The following LDLRAD4 variants were observed in gnomAD, a reference collection of about 807,000 sequenced individuals.
LDLRAD4 encodes the protein low-density lipoprotein receptor class A domain-containing protein 4.
In LDLRAD4, 5 loss-of-function variants were observed where a neutral mutation model predicts 17.0. That is an observed-to-expected ratio of 0.29 (90% CI 0.15 to 0.62). The LOEUF is 0.62. Ranked by LOEUF, LDLRAD4 falls within the 20% of genes least tolerant of loss-of-function variation. The pLI, the probability that LDLRAD4 is intolerant of heterozygous loss-of-function variation, is 0.84. For missense variants in LDLRAD4, 340 were observed against 424.7 expected, an observed-to-expected ratio of 0.80 and a Z score of 1.75; for synonymous variants, 168 against 171.8, an observed-to-expected ratio of 0.98 and a Z score of 0.17.
intron 3 of LDLRAD4, among the ~76,000 whole-genome samples, chr18:13,588,842 C>T (rs1044643927): frequency 1.3e-5 from 2 of 152,124 alleles, no homozygotes; most frequent in South Asian, 2.1e-4. Flanking sequence ...TTTCATGATG[C>T]ACCCGTTCAG....
intron 1 of LDLRAD4, among the ~76,000 whole-genome samples, chr18:13,326,873 A>G (rs1297485238): frequency 6.6e-6 from 1 of 151,976 alleles, no homozygotes; most frequent in Non-Finnish European, 1.5e-5. Context: ...AGTTCACACC[A>G]TTCTCCTGCC....
chr18:13,578,492 G>A (rs1223825784), intron 3 of LDLRAD4, among the ~76,000 whole-genome samples: 2 of 152,280 alleles, frequency 1.3e-5, no homozygotes, highest in Non-Finnish European at 2.9e-5. Context: ...CCTCCTCCAA[G>A]CAGTGTTTGC....
chr18:13,457,723 T>C (rs1212656884), intron 3 of LDLRAD4, among the ~76,000 whole-genome samples: 5 of 152,066 alleles, frequency 3.3e-5, no homozygotes, highest in Non-Finnish European at 7.4e-5. Flanking sequence ...TCCCCGTGGT[T>C]CACAGGCCCT....
At chr18:13,463,605 C>T (rs1276930649) in intron 3 of LDLRAD4, among the ~76,000 whole-genome samples, 1 of 152,186 alleles carries the variant, frequency 6.6e-6, no homozygotes, top group Non-Finnish European at 1.5e-5. Flanking sequence ...CTAGTGTTCA[C>T]CTCATTCACA....
intron 3 of LDLRAD4, among the ~76,000 whole-genome samples, chr18:13,476,729 A>G (rs1444320761): frequency 2.0e-5 from 3 of 152,074 alleles, no homozygotes; most frequent in East Asian, 1.9e-4. Flanking sequence ...TCCTCCACAC[A>G]GAGGCCAAGA....
At chr18:13,273,412 C>T (rs569536295), upstream of LDLRAD4, among the ~76,000 whole-genome samples, 511 of 152,240 alleles carry the variant, frequency 3.4e-3, 1 homozygote, top group Non-Finnish European at 5.4e-3. Context: ...GAGATCCTCC[C>T]GCCTCAGCTT....
intron 3 of LDLRAD4, among the ~76,000 whole-genome samples, chr18:13,531,334 G>T (rs900426039): frequency 2.0e-5 from 3 of 151,942 alleles, no homozygotes; most frequent in Non-Finnish European, 4.4e-5. Flanking sequence ...CGCACTGTGT[G>T]ATTATAGAAT....
At position 13,554,200 on chromosome 18, in the gene LDLRAD4, G is replaced by A. The variant is rs35757311; in HGVS notation, c.182-66917G>A. 6.4e-3 allele frequency among the ~76,000 whole-genome samples: 970 copies of A among 152,206 alleles called. 5 individuals are homozygous for A. The highest frequency in any genetic ancestry group is 0.012 in the South Asian group (59 of 4,812). On this transcript the variant is annotated intron_variant, in intron 3 of 5. Transcript: ENST00000359446. Reference sequence around the variant, plus strand: ...CATAAGAAGTACAAGCATTAAAAATGTTTTTATATTCACCTTGTTTGCTAA... The same window carrying A: ...CATAAGAAGTACAAGCATTAAAAATATTTTTATATTCACCTTGTTTGCTAA...
intron 1 of LDLRAD4, among the ~76,000 whole-genome samples, chr18:13,384,566 C>G (rs1436769271): frequency 6.6e-6 from 1 of 152,204 alleles, no homozygotes; most frequent in Non-Finnish European, 1.5e-5. Flanking sequence ...TTTCCCTTTT[C>G]TTCATCGTTC....
chr18:13,363,236 G>A (rs767908046), intron 1 of LDLRAD4, among the ~76,000 whole-genome samples: 2 of 151,720 alleles, frequency 1.3e-5, no homozygotes, highest in Non-Finnish European at 2.9e-5. Context: ...GGAGGCTGAG[G>A]CAGGAGAATG....
chr18:13,509,983 C>T (rs1462712752), intron 3 of LDLRAD4, among the ~76,000 whole-genome samples: 5 of 152,336 alleles, frequency 3.3e-5, no homozygotes, highest in East Asian at 1.9e-4. Context: ...TGCTGTCACA[C>T]GCTAGAGAGA....
intron 3 of LDLRAD4, among the ~76,000 whole-genome samples, chr18:13,593,047 G>C (rs1413076423): frequency 6.6e-6 from 1 of 152,216 alleles, no homozygotes; most frequent in Non-Finnish European, 1.5e-5. Flanking sequence ...GCTGGGCACA[G>C]TGGCTCACGC....
chr18:13,550,633 C>A (rs1322346277), intron 3 of LDLRAD4, among the ~76,000 whole-genome samples: 1 of 152,244 alleles, frequency 6.6e-6, no homozygotes, highest in Non-Finnish European at 1.5e-5. Context: ...CGCCGAGCAG[C>A]CTTCCACAGT....
At chr18:13,548,223 C>T (rs1025485280) in intron 3 of LDLRAD4, among the ~76,000 whole-genome samples, 8 of 152,120 alleles carry the variant, frequency 5.3e-5, no homozygotes, top group Non-Finnish European at 8.8e-5. Context: ...GCTGATTGGT[C>T]CATAGGCAGC....
chr18:13,468,711 G>A lies in LDLRAD4; in HGVS notation c.181+30327G>A, dbSNP rs561135722. 2.7e-4 allele frequency among the ~76,000 whole-genome samples: 41 copies of A among 152,134 alleles called. 1 individual carries two copies. The South Asian group carries it at 6.0e-3, about 22-fold the overall frequency. The stretch of plus-strand genomic sequence containing the variant: ...TCATGTCCTTTGTAGGGACATGGAT[G>A]AAGCTGGAAACCATCATTCTCAGCA... On this transcript the variant is annotated intron_variant, in intron 3 of 5. Transcript: ENST00000359446.
At chr18:13,465,933 A>G (rs1254016037) in intron 3 of LDLRAD4, among the ~76,000 whole-genome samples, 3 of 152,134 alleles carry the variant, frequency 2.0e-5, no homozygotes, top group Admixed American at 6.5e-5. Flanking sequence ...CACTAACTAT[A>G]TATTTTACCT....
intron 3 of LDLRAD4, among the ~76,000 whole-genome samples, chr18:13,608,940 T>A (rs1224284904): frequency 1.3e-5 from 2 of 152,182 alleles, no homozygotes; most frequent in Non-Finnish European, 2.9e-5. Flanking sequence ...CTTGTGAAAG[T>A]CTTTGGTGTC....
intron 2 of LDLRAD4, among the ~76,000 whole-genome samples, chr18:13,402,337 T>A (rs900200958): frequency 1.3e-5 from 2 of 152,154 alleles, no homozygotes; most frequent in African/African-American, 4.8e-5. Context: ...CTTATAAACG[T>A]CCCATTTTCA....
intron 4 of LDLRAD4, among the ~76,000 whole-genome samples, chr18:13,626,908 G>T (rs987881281): frequency 3.3e-5 from 5 of 152,280 alleles, no homozygotes; most frequent in African/African-American, 1.2e-4. Flanking sequence ...AAGCCACAGA[G>T]TTAGCCTAGA....
Sources: gnomAD v4.1 joint callset for allele counts (sites outside exome capture counted in the v4.1 genomes callset) on GRCh38, gnomAD v4.1.1 for gene constraint, MANE v1.5 for transcripts, NCBI Gene and HGNC (gene_info 2026-07-23, HGNC 2026-07-21) for gene names.